Variants in WDR75 observed in about 807,000 individuals in gnomAD.
WDR75 encodes the protein WD repeat domain 75, also known as WD repeat-containing protein 75.
Under a neutral mutation model 106.1 loss-of-function variants are expected in WDR75, and 52 were observed. The observed-to-expected ratio is 0.49, with a 90% CI of 0.39 to 0.62. The LOEUF (loss-of-function observed/expected upper bound fraction) is 0.62. WDR75 is among the 20% of genes least tolerant of loss of function. WDR75 has a pLI of 0.00. For missense variants in WDR75, 905 were observed against 970.3 expected (o/e 0.93, Z 0.89); for synonymous variants, 333 against 335.5 (o/e 0.99, Z 0.08).
intron 12 of WDR75, 63 bp downstream of exon 12, chr2:189,465,317 GT>G: frequency 6.8e-7 from 1 of 1,463,552 alleles, no homozygotes; most frequent in South Asian, 1.4e-5. Context: ...CCATTTTACA[GT>G]TTCAATTGTC....
chr2:189,455,924 G>T (rs1371375737), intron 5 of WDR75, among the ~76,000 whole-genome samples: 1 of 151,942 alleles, frequency 6.6e-6, no homozygotes, highest in East Asian at 1.9e-4. Flanking sequence ...TGCAGCATGT[G>T]TGTATACTAA....
At chr2:189,463,489 C>T (rs945779747) in intron 9 of WDR75, among the ~76,000 whole-genome samples, 4 of 152,038 alleles carry the variant, frequency 2.6e-5, no homozygotes, top group African/African-American at 9.7e-5. Context: ...CCCTGAGCCA[C>T]ATTGGAAAAA....
chr2:189,456,918 T>C (rs557478625), intron 5 of WDR75, among the ~76,000 whole-genome samples: 1 of 152,322 alleles, frequency 6.6e-6, no homozygotes, highest in African/African-American at 2.4e-5. Context: ...ACAAAGTTAC[T>C]GTTAACTTTT....
chr2:189,445,418 A>C (rs1371319720), intron 1 of WDR75, among the ~76,000 whole-genome samples: 1 of 151,920 alleles, frequency 6.6e-6, no homozygotes, highest in African/African-American at 2.4e-5. Flanking sequence ...GTCGTGTAGA[A>C]GCACATTAGG....
chr2:189,450,677 TTTCC>T, intron 2 of WDR75: 1 of 1,340,728 alleles, frequency 7.5e-7, no homozygotes, highest in Non-Finnish European at 9.5e-7. Context: ...AGTTGGCTTT[TTTCC>T]TCTCTCTTTT....
In WDR75 at chr2:189,468,655, T is replaced by C. The variant is rs921045935; in HGVS notation, c.1723+86T>C. 4.3e-5 allele frequency: 57 copies of C among 1,338,488 alleles called. No homozygotes were observed. In the African/African-American group the frequency reaches 6.8e-4, roughly 16 times the overall value. 82.9% of individuals were successfully genotyped at this position (1,338,488 alleles called of 1,614,324 possible). A position where few individuals can be genotyped will look rare whatever the true frequency, so the allele number is the denominator to read the frequency against. On this transcript the variant is annotated intron_variant, in intron 15 of 20. Transcript: ENST00000314761. ...TTGGCATTTTAGGACTTAGGGATCA[T>C]ATCATCAGGTCTGTACTTGGAATAG...
chr2:189,467,721 C>CA, intron 14 of WDR75, 73 bp downstream of exon 14: 3 of 1,348,330 alleles, frequency 2.2e-6, no homozygotes. Context: ...CTTTAGTAGT[C>CA]ATTTATGCCC....
chr2:189,463,940 G>C lies in WDR75; in HGVS notation c.1092G>C (p.Gln364His). The C allele has an allele frequency of 6.2e-7, 1 of 1,613,636 alleles. No individual in the cohort carries two copies. Among genetic ancestry groups the C allele is most frequent in the Non-Finnish European group, 8.5e-7 (1 of 1,179,714 alleles). ...GCCACCTGCAGTTTTATTCTCTCCAGAGTGATAAACAGTTATACAATGTAA... is the reference window on the plus strand; with the variant it reads ...GCCACCTGCAGTTTTATTCTCTCCACAGTGATAAACAGTTATACAATGTAA... ...KPGHLQFYSL[Q>H]SDKQLYNLDI... Residue 364 changes from glutamine to histidine, a missense_variant, in exon 11 of 21, where the codon CAG becomes CAC. By Grantham distance (24) the Gln-to-His change is conservative (BLOSUM62 0). Coordinates refer to ENST00000314761, the MANE Select transcript of WDR75 (RefSeq NM_032168.3).
intron 2 of WDR75, chr2:189,449,187 C>G: frequency 8.2e-7 from 1 of 1,213,812 alleles, no homozygotes; most frequent in East Asian, 5.7e-5. Context: ...AAAATTTTAT[C>G]TCAACAATAT....
chr2:189,450,146 A>G (rs879879262), intron 2 of WDR75: 15 of 964,284 alleles, frequency 1.6e-5, no homozygotes, highest in South Asian at 4.8e-5. Context: ...CTCAGCATCC[A>G]AGCATATTAT....
chr2:189,443,646 T>C (rs1399828683), intron 1 of WDR75, among the ~76,000 whole-genome samples: 1 of 152,100 alleles, frequency 6.6e-6, no homozygotes, highest in Non-Finnish European at 1.5e-5. Context: ...GGGAGTTACA[T>C]AGTCAGTTTT....
rs149108054 is a variant in WDR75 at position 189,444,543 on chromosome 2, G to T, written c.86+2965G>T. Among the ~76,000 whole-genome samples, 4 of 152,042 alleles carry T rather than the reference G, an allele frequency of 2.6e-5. No individual in the cohort carries two copies. In the East Asian group the frequency reaches 7.7e-4, roughly 29 times the overall value. On this transcript the variant is annotated intron_variant, in intron 1 of 20. Transcript: ENST00000314761. ...AAAACTGAAACAATGAGTCATCCTTGCCTTTCACTTTCCTAAATTGCCCAC... is the reference window on the plus strand; with the variant it reads ...AAAACTGAAACAATGAGTCATCCTTTCCTTTCACTTTCCTAAATTGCCCAC...
chr2:189,451,923 G>C lies in WDR75; in HGVS notation c.373+28G>C, dbSNP rs113693273. On this transcript the variant is annotated intron_variant, in intron 4 of 20. Coordinates refer to ENST00000314761, the MANE Select transcript of WDR75 (RefSeq NM_032168.3). ...ATGGTATAATTAACTTACTATATAT[G>C]GCATTGAGTGGCTCTTTACATTTTA... 140 of 1,525,910 alleles carry C rather than the reference G, an allele frequency of 9.2e-5. 1 individual carries two copies. In the African/African-American group the frequency reaches 1.2e-3, roughly 13 times the overall value. 94.5% of individuals were successfully genotyped at this position (1,525,910 alleles called of 1,614,324 possible).
At chr2:189,461,980 A>G (rs527300638) in intron 8 of WDR75, among the ~76,000 whole-genome samples, 4 of 152,174 alleles carry the variant, frequency 2.6e-5, no homozygotes, top group Non-Finnish European at 5.9e-5. Flanking sequence ...TCAAATAATC[A>G]TGGTGTTTTC....
At chr2:189,452,076 TGAGG>T in intron 4 of WDR75, 181 bp downstream of exon 4, 5 of 535,870 alleles carry the variant, frequency 9.3e-6, no homozygotes, top group Non-Finnish European at 1.3e-5. Flanking sequence ...AAATATGCAG[TGAGG>T]GAGGGATTAT....
At position 189,474,715 on chromosome 2, in the gene WDR75, A is replaced by C; in HGVS notation, c.2197-2A>C. The C allele has an allele frequency of 6.2e-7, 1 of 1,613,684 alleles. No individual in the cohort carries two copies. The highest frequency in any genetic ancestry group is 8.5e-7 in the Non-Finnish European group (1 of 1,179,706). On this transcript the variant is annotated splice_acceptor_variant, in intron 19 of 20. Transcript: ENST00000314761. LOFTEE classifies it high-confidence loss of function. ...GCAACCGTGTTTTCTGTTTGACTCC[A>C]GCTTCTTCACACTCCAGCCCATGTC...
At chr2:189,449,187 C>A in intron 2 of WDR75, 1 of 1,213,810 alleles carries the variant, frequency 8.2e-7, no homozygotes, top group Non-Finnish European at 1.1e-6. Context: ...AAAATTTTAT[C>A]TCAACAATAT....
At chr2:189,469,139 A>G (rs1362534274) in intron 15 of WDR75, among the ~76,000 whole-genome samples, 1 of 152,202 alleles carries the variant, frequency 6.6e-6, no homozygotes, top group East Asian at 1.9e-4. Flanking sequence ...TAATCTTTTC[A>G]TAGTTTGTAC....
chr2:189,450,998 T>C (rs1364282398), intron 3 of WDR75, 30 bp downstream of exon 3: 1 of 1,577,752 alleles, frequency 6.3e-7, no homozygotes, highest in African/African-American at 1.4e-5. Flanking sequence ...CTTTTCGTTA[T>C]GTGAATAAAA....
Sources: allele counts gnomAD v4.1 joint callset (sites outside exome capture counted in the v4.1 genomes callset), GRCh38; gene constraint gnomAD v4.1.1; transcripts MANE v1.5; gene names NCBI Gene and HGNC (gene_info 2026-07-23, HGNC 2026-07-21).